The following PTPRD variants were observed in gnomAD, a reference collection of about 807,000 sequenced individuals.
PTPRD encodes the protein protein tyrosine phosphatase receptor type D.
PTPRD carries 34 observed loss-of-function variants against 214.5 expected under a neutral mutation model. The ratio of observed to expected loss-of-function variants is 0.16; its 90% confidence interval spans 0.12 to 0.21. The LOEUF is 0.21. Ranked by LOEUF, PTPRD falls within the 10% of genes least tolerant of loss-of-function variation. The pLI, the probability that PTPRD is intolerant of heterozygous loss-of-function variation, is 1.00. For synonymous variants in PTPRD, 1,128 were observed against 845.7 expected (o/e 1.33, Z -5.79); for missense variants, 2,545 against 2,398.7 (o/e 1.06, Z -1.27).
In PTPRD at chr9:10,570,920, T is replaced by C. The variant is rs921925496; in HGVS notation, c.-600+41478A>G. 5.3e-5 allele frequency among the ~76,000 whole-genome samples: 8 copies of C among 151,522 alleles called. No individual in the cohort carries two copies. The East Asian group carries it at 9.7e-4, about 18-fold the overall frequency. ...GTACAGGGTTACTATTCTTTCCATA[T>C]ATGGCTCCTTTACTCCAGAGCATTT... On this transcript the variant is annotated intron_variant, in intron 2 of 45. Transcript: ENST00000381196.
intron 3 of PTPRD, among the ~76,000 whole-genome samples, chr9:10,300,776 T>A (rs548729713): frequency 1.4e-3 from 217 of 152,014 alleles, no homozygotes; most frequent in Non-Finnish European, 2.0e-3. Flanking sequence ...GAGGGACTTA[T>A]AGATAAGACC....
chr9:10,420,728 T>G (rs2098538106), intron 2 of PTPRD, among the ~76,000 whole-genome samples: 1 of 151,910 alleles, frequency 6.6e-6, no homozygotes. Context: ...CAACAAACAT[T>G]AACAGATTTG....
intron 2 of PTPRD, among the ~76,000 whole-genome samples, chr9:10,439,294 T>C (rs1227212314): frequency 6.6e-6 from 1 of 151,854 alleles, no homozygotes; most frequent in African/African-American, 2.4e-5. Flanking sequence ...GCCCCAAGCA[T>C]TGTCACTACT....
At chr9:10,243,378 G>A (rs547636080) in intron 3 of PTPRD, among the ~76,000 whole-genome samples, 1 of 151,816 alleles carries the variant, frequency 6.6e-6, no homozygotes, top group Non-Finnish European at 1.5e-5. Context: ...TGTCTACCTT[G>A]TGTATTGCAA....
chr9:9,166,632 C>T (rs1312902519), intron 10 of PTPRD, among the ~76,000 whole-genome samples: 1 of 152,138 alleles, frequency 6.6e-6, no homozygotes, highest in African/African-American at 2.4e-5. Context: ...CAGTTTCTTG[C>T]TTGTAGACTA....
chr9:9,010,068 A>G (rs1385877777), intron 11 of PTPRD, among the ~76,000 whole-genome samples: 1 of 152,176 alleles, frequency 6.6e-6, no homozygotes, highest in Non-Finnish European at 1.5e-5. Context: ...AGGGGAAACT[A>G]CAATTGTGAA....
At chr9:9,973,596 G>A (rs2095235962) in intron 4 of PTPRD, among the ~76,000 whole-genome samples, 2 of 152,136 alleles carry the variant, frequency 1.3e-5, no homozygotes, top group South Asian at 4.1e-4. Context: ...TCTTCGCTAG[G>A]AAAGGAAGAA....
intron 7 of PTPRD, among the ~76,000 whole-genome samples, chr9:9,626,224 C>T (rs2095421498): frequency 6.6e-6 from 1 of 152,270 alleles, no homozygotes; most frequent in East Asian, 1.9e-4. Flanking sequence ...TTTCCTTTCA[C>T]GTAACTCAGA....
chr9:8,615,715 T>G lies in PTPRD; in HGVS notation c.352+17602A>C, dbSNP rs188334031. Among the ~76,000 whole-genome samples, 16 of 152,078 alleles carry G rather than the reference T, an allele frequency of 1.1e-4. No homozygotes were observed. The East Asian group carries it at 2.7e-3, about 26-fold the overall frequency. ...TAATAGCTGTATTCTAACTTAAAAT[T>G]AGGAAAAAAATTGATTTGACATTAA... is the stretch of plus-strand genomic sequence containing the variant. On this transcript the variant is annotated intron_variant, in intron 14 of 45. Transcript: ENST00000381196.
intron 8 of PTPRD, among the ~76,000 whole-genome samples, chr9:9,487,626 T>C (rs1257605958): frequency 6.6e-6 from 1 of 152,172 alleles, no homozygotes; most frequent in Non-Finnish European, 1.5e-5. Flanking sequence ...GACTTCCAAA[T>C]CAATTAACAA....
chr9:8,527,427 T>A (rs2074475196), intron 15 of PTPRD, 74 bp from the exon 16 acceptor site: 1 of 1,432,498 alleles, frequency 7.0e-7, no homozygotes, highest in Non-Finnish European at 9.7e-7. Flanking sequence ...TGGTACAAAT[T>A]TTTCAGAGTT....
At chr9:8,650,908 C>T (rs1160270520) in intron 12 of PTPRD, among the ~76,000 whole-genome samples, 1 of 151,412 alleles carries the variant, frequency 6.6e-6, no homozygotes, top group Admixed American at 6.6e-5. Context: ...TCTCTGCAGA[C>T]CCAAAGCTCT....
intron 5 of PTPRD, among the ~76,000 whole-genome samples, chr9:9,902,150 C>T (rs936855419): frequency 1.3e-5 from 2 of 152,052 alleles, no homozygotes; most frequent in South Asian, 4.2e-4. Context: ...TTTCCATCAG[C>T]CTTATTGTTG....
At chr9:10,583,270 C>A (rs553735358) in intron 2 of PTPRD, among the ~76,000 whole-genome samples, 2 of 152,076 alleles carry the variant, frequency 1.3e-5, no homozygotes, top group East Asian at 3.9e-4. Flanking sequence ...GGTGACCTAC[C>A]TTTTAGAAGA....
chr9:9,183,170 G>A (rs1459494820), intron 10 of PTPRD, 134 bp downstream of exon 10: 1 of 151,946 alleles, frequency 6.6e-6, no homozygotes, highest in Non-Finnish European at 1.5e-5. Context: ...TAGGTAAACA[G>A]AGTAAAATGT....
chr9:10,581,798 T>C (rs1194788779), intron 2 of PTPRD, among the ~76,000 whole-genome samples: 1 of 152,188 alleles, frequency 6.6e-6, no homozygotes, highest in Non-Finnish European at 1.5e-5. Flanking sequence ...AATGATGCTT[T>C]TTAACAAGTG....
In PTPRD at chr9:10,257,743, C is replaced by T. The variant is rs535945079; in HGVS notation, c.-545+83220G>A. 7.9e-5 allele frequency among the ~76,000 whole-genome samples: 12 copies of T among 152,238 alleles called. 1 individual carries two copies. The Middle Eastern group carries it at 0.01, about 129-fold the overall frequency. On this transcript the variant is annotated intron_variant, in intron 3 of 45. Coordinates refer to ENST00000381196, the MANE Select transcript of PTPRD (RefSeq NM_002839.4). The stretch of plus-strand genomic sequence containing the variant: ...TGGTCTATGCATGGGCATAGACCAA[C>T]GTAGGCCAAGCTGAATCCTCCTCTG...
chr9:8,722,461 T>C (rs1488398802), intron 12 of PTPRD, among the ~76,000 whole-genome samples: 3 of 151,782 alleles, frequency 2.0e-5, no homozygotes, highest in Admixed American at 6.6e-5. Context: ...GGTCTTAAAA[T>C]AAATCCAAAT....
chr9:10,109,066 C>T (rs1010761536), intron 3 of PTPRD, among the ~76,000 whole-genome samples: 1 of 152,006 alleles, frequency 6.6e-6, no homozygotes, highest in Non-Finnish European at 1.5e-5. Flanking sequence ...GTATCAGAAA[C>T]CAACTAGCAT....
Sources: allele counts gnomAD v4.1 joint callset (sites outside exome capture counted in the v4.1 genomes callset), GRCh38; gene constraint gnomAD v4.1.1; transcripts MANE v1.5; gene names NCBI Gene and HGNC (gene_info 2026-07-23, HGNC 2026-07-21).